TMPRSS15: variants seen among roughly 807,000 people sequenced by gnomAD.
TMPRSS15 encodes enteropeptidase.
Under a neutral mutation model 125.3 loss-of-function variants are expected in TMPRSS15, and 128 were observed. The ratio of observed to expected loss-of-function variants is 1.02; its 90% CI spans 0.89 to 1.18. The LOEUF is 1.18. Ranked by LOEUF, TMPRSS15 falls within the 50% of genes most tolerant of loss-of-function variation. The probability of loss-of-function intolerance (pLI) is 0.00; values close to 1 mark genes in which losing one functional copy is unlikely to be tolerated. For synonymous variants in TMPRSS15, 446 were observed against 423.2 expected (o/e 1.05, Z -0.66); for missense variants, 1,283 against 1,212.7 (o/e 1.06, Z -0.86).
chr21:18,341,363 A>G (rs984777767), intron 13 of TMPRSS15, 50 bp downstream of exon 13: 1 of 1,611,876 alleles, frequency 6.2e-7, no homozygotes, highest in Non-Finnish European at 8.5e-7. Flanking sequence ...GAGCCTCCAC[A>G]CCTGACGTTA....
chr21:18,365,277 C>G (rs2075716275), intron 6 of TMPRSS15, 29 bp from the exon 7 acceptor site: 1 of 1,552,866 alleles, frequency 6.4e-7, no homozygotes, highest in Admixed American at 1.7e-5. Context: ...TAATGTTAGA[C>G]AAAAACAATC....
rs553932600 is a variant in TMPRSS15, at chr21:18,402,452, C to A, written c.145+1026G>T. Reference sequence around the variant, plus strand: ...GCTGAGGCAGGAGAATCACTTGAACCCAGGAGGTGGAGGTTGCAGTGAGCC... The same window carrying A: ...GCTGAGGCAGGAGAATCACTTGAACACAGGAGGTGGAGGTTGCAGTGAGCC... On this transcript the variant is annotated intron_variant, in intron 1 of 24. Transcript: ENST00000284885. 3.4e-5 allele frequency among the ~76,000 whole-genome samples: 5 copies of A among 147,482 alleles called. 1 individual carries two copies. In the South Asian group the frequency reaches 1.1e-3, roughly 31 times the overall value.
At position 18,372,255 on chromosome 21, in the gene TMPRSS15, T is replaced by C; in HGVS notation, c.602A>G (p.Asp201Gly). 6.2e-7 allele frequency: 1 copy of C among 1,613,238 alleles called. No individual in the cohort carries two copies. Among genetic ancestry groups the C allele is most frequent in the Non-Finnish European group, 8.5e-7 (1 of 1,179,570 alleles). Reference sequence around the variant, plus strand: ...GTTTACTTCTCCATCACAAAATAAATCAGCTTTTATACACGTTAGAGCATC... The same window carrying C: ...GTTTACTTCTCCATCACAAAATAAACCAGCTTTTATACACGTTAGAGCATC... ...CTDALTCIKADLFCDGEVNCP... is the reference protein window; with the variant it reads ...CTDALTCIKAGLFCDGEVNCP... The change falls in exon 6 of 25, where the codon GAT (aspartate) becomes GGT (glycine). Residue 201 changes from aspartate (D) to glycine (G), a missense_variant. Physicochemically the swap from Asp to Gly is moderately conservative, Grantham distance 94. Transcript: ENST00000284885.
chr21:18,297,637 A>G lies in TMPRSS15; in HGVS notation c.2261+97T>C, dbSNP rs371890700. On this transcript the variant is annotated intron_variant, in intron 19 of 24. Transcript: ENST00000284885. ...GTCAAATAACTTTCAAGATTATATG[A>G]CCAGTATGTAATAGCATTCAAATCT... 24 of 820,698 alleles carry G rather than the reference A, an allele frequency of 2.9e-5. No homozygotes were observed. In the African/African-American group the frequency reaches 3.2e-4, roughly 11 times the overall value. 50.8% of individuals were successfully genotyped at this position (820,698 alleles called of 1,614,324 possible).
At chr21:18,436,195 G>A (rs1394456893) in intron 1 of TMPRSS15, among the ~76,000 whole-genome samples, 5 of 150,578 alleles carry the variant, frequency 3.3e-5, no homozygotes, top group African/African-American at 1.2e-4. Context: ...GTTTGCTCTT[G>A]CTTTTCTAGT....
At chr21:18,447,720 T>C (rs1355827156) in intron 1 of TMPRSS15, among the ~76,000 whole-genome samples, 3 of 152,128 alleles carry the variant, frequency 2.0e-5, no homozygotes, top group Admixed American at 1.3e-4. Flanking sequence ...CTCTTGCTTG[T>C]TGCCATGTAA....
chr21:18,350,235 T>C (rs1361299582), intron 10 of TMPRSS15, among the ~76,000 whole-genome samples: 1 of 152,168 alleles, frequency 6.6e-6, no homozygotes, highest in Non-Finnish European at 1.5e-5. Context: ...AAATAACTTA[T>C]TCAAAGAAGA....
chr21:18,383,888 T>A, intron 3 of TMPRSS15, 110 bp from the exon 4 acceptor site: 2 of 1,277,170 alleles, frequency 1.6e-6, no homozygotes, highest in Non-Finnish European at 2.2e-6. Flanking sequence ...ATCTTGCTAA[T>A]TCTCATTATA....
At chr21:18,353,697 A>T in intron 9 of TMPRSS15, 26 bp downstream of exon 9, 1 of 1,602,000 alleles carries the variant, frequency 6.2e-7, no homozygotes, top group Non-Finnish European at 8.5e-7. Flanking sequence ...TAAAAATTAA[A>T]AAGCCAAAAA....
intron 3 of TMPRSS15, among the ~76,000 whole-genome samples, chr21:18,386,774 AT>A (rs1250090802): frequency 6.6e-6 from 1 of 152,188 alleles, no homozygotes. Flanking sequence ...GAAAACTTAA[AT>A]TCTGATTAAA....
intron 23 of TMPRSS15, 75 bp from the exon 24 acceptor site, chr21:18,275,411 C>G (rs1009905624): frequency 1.3e-6 from 2 of 1,543,404 alleles, no homozygotes; most frequent in East Asian, 2.2e-5. Flanking sequence ...ACCATCAGTC[C>G]TATTTATTCC....
At chr21:18,312,604 T>A (rs2075111892) in intron 18 of TMPRSS15, among the ~76,000 whole-genome samples, 1 of 151,788 alleles carries the variant, frequency 6.6e-6, no homozygotes, top group Non-Finnish European at 1.5e-5. Context: ...TGTGATTATT[T>A]ATCTATATTA....
Position 18,269,787 on chromosome 21 carries a change from T to A in TMPRSS15, c.*182A>T. On this transcript the variant is annotated 3_prime_UTR_variant, in exon 25 of 25. Transcript: ENST00000284885. ...GTATTTTAAAGTTATTCTGTATTGC[T>A]ATGGTGAATTTTATTATTTTTAAAA... 1.6e-6 allele frequency: 1 copy of A among 615,050 alleles called. No homozygotes were observed. 38.1% of individuals were successfully genotyped at this position (615,050 alleles called of 1,614,324 possible).
intron 1 of TMPRSS15, among the ~76,000 whole-genome samples, chr21:18,461,341 T>G (rs2122952495): frequency 5.6e-4 from 85 of 152,284 alleles, no homozygotes; most frequent in African/African-American, 2.0e-3. Context: ...GAGATTAATC[T>G]TCCATTCTCC....
chr21:18,348,263 G>A (rs1294624608), intron 10 of TMPRSS15, among the ~76,000 whole-genome samples: 2 of 152,002 alleles, frequency 1.3e-5, no homozygotes, highest in African/African-American at 4.8e-5. Flanking sequence ...GAACTATTAG[G>A]TTTTTCTTAA....
chr21:18,271,064 A>G (rs372328377), intron 24 of TMPRSS15, among the ~76,000 whole-genome samples: 88 of 152,260 alleles, frequency 5.8e-4, no homozygotes, highest in African/African-American at 2.0e-3. Context: ...AAAGAAAAAA[A>G]TGTAATCTAT....
chr21:18,398,238 TGA>T lies in TMPRSS15; in HGVS notation c.235_236del (p.Val80GlyfsTer8). On this transcript the variant is annotated frameshift_variant, in exon 2 of 25. Transcript: ENST00000284885. LOFTEE classifies it high-confidence loss of function. The stretch of plus-strand genomic sequence containing the variant: ...CAAAAGCAAGAACTTTGAAATCCAC[TGA>T]GAGTTTGTCTTGCAAATTAGGATTA... ...TYNPNLQDKL[S>X]VDFKVLAFDL... 6.2e-7 allele frequency: 1 copy of T among 1,613,912 alleles called. No individual in the cohort carries two copies. Among genetic ancestry groups the T allele is most frequent in the South Asian group, 1.1e-5 (1 of 91,084 alleles).
chr21:18,280,595 A>AG (rs57759464), intron 22 of TMPRSS15, among the ~76,000 whole-genome samples: 2 of 126,956 alleles, frequency 1.6e-5, no homozygotes, highest in African/African-American at 2.8e-5. Flanking sequence ...AAAAAAAAAA[A>AG]CAACAAAACA....
chr21:18,431,005 T>G (rs1321922675), intron 1 of TMPRSS15, among the ~76,000 whole-genome samples: 1 of 152,180 alleles, frequency 6.6e-6, no homozygotes, highest in African/African-American at 2.4e-5. Context: ...TTAGAACAGA[T>G]ATATCTGACT....
Sources: gnomAD v4.1 joint callset for allele counts (sites outside exome capture counted in the v4.1 genomes callset) on GRCh38, gnomAD v4.1.1 for gene constraint, MANE v1.5 for transcripts, NCBI Gene and HGNC (gene_info 2026-07-23, HGNC 2026-07-21) for gene names.